The following TBL1X variants were observed in gnomAD, a reference collection of about 807,000 sequenced individuals.
The protein encoded by TBL1X is F-box-like/WD repeat-containing protein TBL1X.
Under a neutral mutation model 50.7 loss-of-function variants are expected in TBL1X, and 10 were observed. That is an observed-to-expected ratio of 0.20 (90% CI 0.12 to 0.33). The LOEUF is 0.33. Ranked by LOEUF, TBL1X falls within the 10% of genes least tolerant of loss-of-function variation. The probability of loss-of-function intolerance (pLI) is 1.00; values close to 1 mark genes in which losing one functional copy is unlikely to be tolerated. For synonymous variants in TBL1X, 190 were observed against 214.7 expected (o/e 0.88, Z 1.01); for missense variants, 340 against 504.4 (o/e 0.67, Z 3.12).
intron 5 of TBL1X, among the ~76,000 whole-genome samples, chrX:9,676,989 G>A (rs1569095346): frequency 1.8e-5 from 2 of 111,974 alleles, no homozygotes; most frequent in African/African-American, 3.3e-5. Context: ...ATGAAGATAG[G>A]ATTTCTAATT....
At chrX:9,568,807 CTG>C (rs921647716) in intron 2 of TBL1X, among the ~76,000 whole-genome samples, 4 of 100,464 alleles carry the variant, frequency 4.0e-5, no homozygotes, top group Non-Finnish European at 8.0e-5. Flanking sequence ...GGTGTGCTCT[CTG>C]TATGTTGTGT....
intron 5 of TBL1X, among the ~76,000 whole-genome samples, chrX:9,680,219 A>G (rs193248622): frequency 1.8e-5 from 2 of 111,782 alleles, no homozygotes; most frequent in African/African-American, 6.5e-5. Context: ...TCCCACATAC[A>G]AATCTGGGGG....
intron 9 of TBL1X, among the ~76,000 whole-genome samples, 198 bp from the exon 10 acceptor site, chrX:9,692,951 C>T (rs892180705): frequency 2.7e-5 from 3 of 112,579 alleles, no homozygotes; most frequent in African/African-American, 3.2e-5. Context: ...ACATGGGATG[C>T]ACACAGTTTG....
chrX:9,591,651 G>A (rs1340775464), intron 2 of TBL1X, among the ~76,000 whole-genome samples: 1 of 111,592 alleles, frequency 9.0e-6, no homozygotes, highest in Non-Finnish European at 1.9e-5. Flanking sequence ...CCCCTTCTAC[G>A]GAGTGTGAGG....
At chrX:9,537,194 C>G (rs747035324) in intron 2 of TBL1X, among the ~76,000 whole-genome samples, 1 of 111,339 alleles carries the variant, frequency 9.0e-6, no homozygotes, top group South Asian at 3.8e-4. Flanking sequence ...CATCTGTGGT[C>G]TTGAGTGATC....
intron 5 of TBL1X, among the ~76,000 whole-genome samples, chrX:9,674,434 G>A (rs1189512777): frequency 1.8e-5 from 2 of 110,896 alleles, no homozygotes; most frequent in Non-Finnish European, 1.9e-5. Flanking sequence ...CTAATTTTTC[G>A]TAGTTTTTAT....
At chrX:9,563,411 A>C (rs1569056853) in intron 2 of TBL1X, among the ~76,000 whole-genome samples, 1 of 112,914 alleles carries the variant, frequency 8.9e-6, no homozygotes, top group Non-Finnish European at 1.9e-5. Flanking sequence ...GGACGCCATA[A>C]GGAATGAAAT....
chrX:9,602,710 T>G (rs1042153732), intron 2 of TBL1X, among the ~76,000 whole-genome samples: 6 of 112,315 alleles, frequency 5.3e-5, no homozygotes, highest in African/African-American at 1.6e-4. Flanking sequence ...TTGACTAAAA[T>G]TTCTCTATCT....
rs191922844 is a variant in TBL1X at position 9,538,918 on chromosome X, G to A, written c.-131+37069G>A. Among the ~76,000 whole-genome samples, 6 of 112,790 alleles carry A rather than the reference G, an allele frequency of 5.3e-5. 1 individual carries two copies. The highest frequency in any genetic ancestry group is 1.9e-4 in the African/African-American group (6 of 31,134). ...GCCCCTCCTCTCAGCACAAGATGAG[G>A]CCTCAGGGCAGTGCAGCAGATGGAG... On this transcript the variant is annotated intron_variant, in intron 2 of 17. Coordinates refer to ENST00000645353, the MANE Select transcript of TBL1X (RefSeq NM_005647.4).
chrX:9,598,502 C>T (rs1413048736), intron 2 of TBL1X, among the ~76,000 whole-genome samples: 1 of 111,611 alleles, frequency 9.0e-6, no homozygotes, highest in Non-Finnish European at 1.9e-5. Context: ...CTCGCTACCC[C>T]GGGCATCACT....
chrX:9,640,449 C>G (rs935705221), intron 3 of TBL1X, 89 bp downstream of exon 3: 5 of 111,825 alleles, frequency 4.5e-5, no homozygotes, highest in African/African-American at 1.6e-4. Context: ...AATGGAACCC[C>G]TTCTGTTTTA....
At chrX:9,523,313 A>G (rs2082115552) in intron 2 of TBL1X, among the ~76,000 whole-genome samples, 1 of 111,772 alleles carries the variant, frequency 8.9e-6, no homozygotes, top group Admixed American at 9.5e-5. Context: ...GTGAACCCCC[A>G]GAGTCTGCCC....
chrX:9,627,482 A>G (rs983613524), intron 2 of TBL1X, among the ~76,000 whole-genome samples: 16 of 112,248 alleles, frequency 1.4e-4, no homozygotes, highest in Non-Finnish European at 1.5e-4. Flanking sequence ...AGTATCATAG[A>G]AAATCCAAAA....
intron 2 of TBL1X, among the ~76,000 whole-genome samples, chrX:9,576,948 C>T (rs945367397): frequency 4.5e-5 from 5 of 110,583 alleles, no homozygotes; most frequent in Non-Finnish European, 9.5e-5. Context: ...TGCAGTAAGC[C>T]GTAATTGCAC....
intron 4 of TBL1X, among the ~76,000 whole-genome samples, chrX:9,653,953 A>G (rs972119980): frequency 4.5e-5 from 5 of 111,471 alleles, no homozygotes; most frequent in African/African-American, 6.5e-5. Flanking sequence ...GGCTTCATTC[A>G]TGTGGTTTTT....
chrX:9,561,147 C>T (rs766927969), intron 2 of TBL1X, among the ~76,000 whole-genome samples: 1 of 111,415 alleles, frequency 9.0e-6, no homozygotes, highest in South Asian at 3.8e-4. Flanking sequence ...AAACCGCACC[C>T]CACCCCGACC....
At chrX:9,679,028 C>T (rs941032926) in intron 5 of TBL1X, among the ~76,000 whole-genome samples, 1 of 109,718 alleles carries the variant, frequency 9.1e-6, no homozygotes, top group African/African-American at 3.3e-5. Flanking sequence ...CATGATTATA[C>T]TCTTTTTTTT....
At chrX:9,566,333 T>C (rs1369269460) in intron 2 of TBL1X, among the ~76,000 whole-genome samples, 1 of 111,975 alleles carries the variant, frequency 8.9e-6, no homozygotes, top group Non-Finnish European at 1.9e-5. Context: ...GAACCACTTG[T>C]TTTGAAGGAT....
intron 3 of TBL1X, among the ~76,000 whole-genome samples, chrX:9,642,758 C>G (rs1036176180): frequency 8.9e-6 from 1 of 112,503 alleles, no homozygotes; most frequent in Non-Finnish European, 1.9e-5. Flanking sequence ...GCGGTCTGTG[C>G]GGCAGCTGCT....
Sources: gnomAD v4.1 joint callset for allele counts (sites outside exome capture counted in the v4.1 genomes callset) on GRCh38, gnomAD v4.1.1 for gene constraint, MANE v1.5 for transcripts, NCBI Gene and HGNC (gene_info 2026-07-23, HGNC 2026-07-21) for gene names.